RHOJ: variants seen among roughly 807,000 people sequenced by gnomAD.
RHOJ encodes the protein rho-related GTP-binding protein RhoJ.
A neutral mutation model predicts 23.4 loss-of-function variants in RHOJ; 11 were observed. The ratio of observed to expected loss-of-function variants is 0.47; its 90% CI spans 0.30 to 0.78. The LOEUF is 0.78. Ranked by LOEUF, RHOJ falls within the 30% of genes least tolerant of loss-of-function variation. The pLI is 0.08. For missense variants in RHOJ, 254 were observed against 273.4 expected (o/e 0.93, Z 0.50); for synonymous variants, 102 against 102.7 (o/e 0.99, Z 0.04).
At chr14:63,240,431 C>T (rs970521296) in intron 1 of RHOJ, among the ~76,000 whole-genome samples, 1 of 152,144 alleles carries the variant, frequency 6.6e-6, no homozygotes, top group African/African-American at 2.4e-5. Context: ...CTCATTCCTG[C>T]AGAGGCTGCT....
intron 1 of RHOJ, among the ~76,000 whole-genome samples, chr14:63,246,000 A>G (rs990337000): frequency 6.6e-6 from 1 of 152,158 alleles, no homozygotes; most frequent in Non-Finnish European, 1.5e-5. Flanking sequence ...AGGAGACTCC[A>G]TAGTGCAAGG....
chr14:63,268,009 C>G (rs1341329372), intron 1 of RHOJ, among the ~76,000 whole-genome samples: 1 of 152,198 alleles, frequency 6.6e-6, no homozygotes, highest in African/African-American at 2.4e-5. Flanking sequence ...AATACCGAAT[C>G]AGCAACTCTA....
intron 3 of RHOJ, 60 bp downstream of exon 3, chr14:63,281,195 T>C: frequency 2.0e-6 from 3 of 1,505,576 alleles, no homozygotes; most frequent in Non-Finnish European, 2.7e-6. Context: ...ACCCTTTAGG[T>C]ACCTCGTGAA....
Position 63,204,920 on chromosome 14 carries a change from C to A in RHOJ, c.51C>A (p.Asp17Glu), listed in dbSNP as rs748360536. Residue 17 changes from aspartate (D) to glutamate (E), a missense_variant, in exon 1 of 5, where the codon GAC (aspartate) becomes GAA (glutamate). Physicochemically the swap from Asp to Glu is conservative, Grantham distance 45. Transcript: ENST00000316754. The part of the protein sequence containing the change: ...TDSSCGCRGN[D>E]EKKMLKCVVV... ...GCAGCTGCGGCTGCAGGGGCAACGA[C>A]GAGAAGAAGATGTTGAAGTGTGTGG... 3 of 1,614,054 alleles carry A rather than the reference C, an allele frequency of 1.9e-6. No homozygotes were observed. Among genetic ancestry groups the A allele is most frequent in the South Asian group, 1.1e-5 (1 of 91,052 alleles).
At chr14:63,206,784 G>C (rs767239638) in intron 1 of RHOJ, among the ~76,000 whole-genome samples, 1 of 152,078 alleles carries the variant, frequency 6.6e-6, no homozygotes, top group Non-Finnish European at 1.5e-5. Context: ...TACTATTGTT[G>C]AGCATTAAAG....
intron 1 of RHOJ, among the ~76,000 whole-genome samples, chr14:63,237,040 AT>A (rs1264658799): frequency 6.6e-6 from 1 of 152,156 alleles, no homozygotes. Flanking sequence ...TACAGATGCA[AT>A]TGTCCCTTTT....
chr14:63,223,979 T>A (rs1894545530), intron 1 of RHOJ, among the ~76,000 whole-genome samples: 1 of 152,176 alleles, frequency 6.6e-6, no homozygotes, highest in African/African-American at 2.4e-5. Context: ...TGAAACCAGG[T>A]ATTTAGGAAA....
intron 1 of RHOJ, among the ~76,000 whole-genome samples, chr14:63,266,947 G>C (rs1168686742): frequency 6.6e-6 from 1 of 152,074 alleles, no homozygotes; most frequent in Admixed American, 6.6e-5. Context: ...ACAGCCAGCA[G>C]TGCCCCTGCC....
chr14:63,218,052 A>G (rs987508064), intron 1 of RHOJ, among the ~76,000 whole-genome samples: 4 of 152,234 alleles, frequency 2.6e-5, no homozygotes, highest in Non-Finnish European at 5.9e-5. Context: ...GAAGTCACCA[A>G]TATGAGAGTA....
Position 63,236,156 on chromosome 14 carries a change from G to A in RHOJ, c.178+31109G>A, listed in dbSNP as rs539812624. 2.0e-5 allele frequency among the ~76,000 whole-genome samples: 3 copies of A among 152,204 alleles called. No individual in the cohort carries two copies. In the South Asian group the frequency reaches 6.2e-4, roughly 32 times the overall value. On this transcript the variant is annotated intron_variant, in intron 1 of 4. Coordinates refer to ENST00000316754, the MANE Select transcript of RHOJ (RefSeq NM_020663.5). ...CAGAATTCTCTTTTACGGCCAACAA[G>A]TTCCAAGAGAGGCTACAGGCTCTGT...
chr14:63,260,435 G>A (rs1486382530), intron 1 of RHOJ, among the ~76,000 whole-genome samples: 1 of 152,118 alleles, frequency 6.6e-6, no homozygotes, highest in Non-Finnish European at 1.5e-5. Flanking sequence ...GTCAATCTAG[G>A]AGAAATGATA....
At chr14:63,222,235 T>G (rs1290087243) in intron 1 of RHOJ, among the ~76,000 whole-genome samples, 1 of 152,124 alleles carries the variant, frequency 6.6e-6, no homozygotes, top group East Asian at 1.9e-4. Context: ...TGATGGACAT[T>G]TGGGTTGGTT....
chr14:63,267,155 G>A (rs114019796), intron 1 of RHOJ, among the ~76,000 whole-genome samples: 542 of 152,328 alleles, frequency 3.6e-3, no homozygotes, highest in African/African-American at 0.012. Context: ...GAAACAGAAA[G>A]CTTCGTCCAG....
Position 63,205,046 on chromosome 14 carries a change from A to C in RHOJ, c.177A>C (p.Ala59=), listed in dbSNP as rs1299291302. 1 of 1,611,474 alleles carries C rather than the reference A, an allele frequency of 6.2e-7. No individual in the cohort carries two copies. Among genetic ancestry groups the C allele is most frequent in the Admixed American group, 1.7e-5 (1 of 59,824 alleles). The stretch of plus-strand genomic sequence containing the variant: ...TGCCCACTGTGTTTGACCACTATGC[A>C]GGTAAGAAAAAGTGGGAAACTCTCT... ...EYVPTVFDHY[A]VTVTVGGKQH... Residue 59 remains alanine (A), a splice_region_variant and synonymous_variant, in exon 1 of 5, where the codon GCA becomes GCC. Transcript: ENST00000316754.
chr14:63,275,256 C>T (rs1312522532), intron 2 of RHOJ, among the ~76,000 whole-genome samples: 4 of 152,088 alleles, frequency 2.6e-5, no homozygotes, highest in Non-Finnish European at 5.9e-5. Context: ...TTCAAGACTC[C>T]AGTGAACTAT....
chr14:63,250,492 G>A (rs1324145579), intron 1 of RHOJ, among the ~76,000 whole-genome samples: 1 of 152,076 alleles, frequency 6.6e-6, no homozygotes, highest in South Asian at 2.1e-4. Context: ...GCCCACCTTG[G>A]CCTCCCCAAA....
At chr14:63,256,026 GCTAA>G (rs773923015) in intron 1 of RHOJ, among the ~76,000 whole-genome samples, 16 of 152,130 alleles carry the variant, frequency 1.1e-4, no homozygotes, top group East Asian at 3.9e-4. Flanking sequence ...GTGCCACCTG[GCTAA>G]CTGTTTTTTG....
chr14:63,247,797 A>G (rs1407661621), intron 1 of RHOJ, among the ~76,000 whole-genome samples: 1 of 152,220 alleles, frequency 6.6e-6, no homozygotes, highest in African/African-American at 2.4e-5. Flanking sequence ...ATAAAGACAT[A>G]CCCAAGACTG....
At chr14:63,281,264 G>T (rs1181216315) in intron 3 of RHOJ, 129 bp downstream of exon 3, 2 of 880,222 alleles carry the variant, frequency 2.3e-6, no homozygotes, top group Non-Finnish European at 3.3e-6. Context: ...CCTATGAACA[G>T]AAGTTCTTAA....
Sources: allele counts gnomAD v4.1 joint callset (sites outside exome capture counted in the v4.1 genomes callset), GRCh38; gene constraint gnomAD v4.1.1; transcripts MANE v1.5; gene names NCBI Gene and HGNC (gene_info 2026-07-23, HGNC 2026-07-21).